CSMD1: variants seen among roughly 807,000 people sequenced by gnomAD.
CSMD1 encodes the protein CUB and sushi domain-containing protein 1.
CSMD1 carries 213 observed loss-of-function variants against 417.5 expected under a neutral mutation model. The ratio of observed to expected loss-of-function variants is 0.51; its 90% confidence interval spans 0.46 to 0.57. The LOEUF (loss-of-function observed/expected upper bound fraction) is 0.57, where lower values mean the gene tolerates loss of function less well. Ranked by LOEUF, CSMD1 falls within the 20% of genes least tolerant of loss-of-function variation. CSMD1 has a pLI of 0.00. For missense variants in CSMD1, 6,923 were observed against 4,529.7 expected, an observed-to-expected ratio of 1.53 and a Z score of -15.17; for synonymous variants, 2,862 against 1,736.8, an observed-to-expected ratio of 1.65 and a Z score of -16.11.
At chr8:2,958,833 T>C (rs545577884) in intron 62 of CSMD1, among the ~76,000 whole-genome samples, 9 of 152,366 alleles carry the variant, frequency 5.9e-5, no homozygotes, top group African/African-American at 1.7e-4. Context: ...ATTCCCTGTG[T>C]CTGCCTTCTC....
chr8:3,947,715 C>CT (rs1811329932), intron 5 of CSMD1, among the ~76,000 whole-genome samples: 2 of 152,134 alleles, frequency 1.3e-5, no homozygotes, highest in South Asian at 2.1e-4. Context: ...TTGACTAAGC[C>CT]TTTTTTTAAC....
chr8:4,280,550 A>G (rs1272721255), intron 3 of CSMD1, among the ~76,000 whole-genome samples: 1 of 152,220 alleles, frequency 6.6e-6, no homozygotes. Flanking sequence ...TTGCATATCA[A>G]CACTGTTAGA....
intron 2 of CSMD1, among the ~76,000 whole-genome samples, chr8:4,435,392 A>T (rs763647659): frequency 1.3e-5 from 2 of 152,168 alleles, no homozygotes; most frequent in South Asian, 4.1e-4. Context: ...CTGCAGTGTG[A>T]TATCACTCCA....
intron 5 of CSMD1, among the ~76,000 whole-genome samples, chr8:3,854,832 A>G (rs552913470): frequency 6.6e-6 from 1 of 152,198 alleles, no homozygotes; most frequent in Admixed American, 6.5e-5. Flanking sequence ...AACATAACAA[A>G]AACAGGGAAT....
chr8:4,091,989 T>C (rs188218967), intron 3 of CSMD1, among the ~76,000 whole-genome samples: 1 of 152,308 alleles, frequency 6.6e-6, no homozygotes, highest in Admixed American at 6.5e-5. Flanking sequence ...TTTATGCGCC[T>C]AAAAAGTGAA....
chr8:4,312,917 C>T (rs1798711819), intron 3 of CSMD1, among the ~76,000 whole-genome samples: 1 of 152,106 alleles, frequency 6.6e-6, no homozygotes, highest in Non-Finnish European at 1.5e-5. Flanking sequence ...AACAATAACA[C>T]TGATTGGCAT....
At chr8:4,830,161 C>A (rs1800068247) in intron 1 of CSMD1, among the ~76,000 whole-genome samples, 1 of 152,132 alleles carries the variant, frequency 6.6e-6, no homozygotes, top group Non-Finnish European at 1.5e-5. Context: ...TCTGACAGTA[C>A]AAGAAGAGTC....
intron 4 of CSMD1, among the ~76,000 whole-genome samples, chr8:4,003,484 G>C (rs1408133572): frequency 1.3e-5 from 2 of 152,098 alleles, no homozygotes; most frequent in African/African-American, 2.4e-5. Context: ...GGGAAAAAAA[G>C]ATTTTAAATG....
intron 3 of CSMD1, among the ~76,000 whole-genome samples, chr8:4,073,989 G>C (rs933721718): frequency 2.0e-5 from 3 of 151,890 alleles, no homozygotes; most frequent in African/African-American, 7.3e-5. Flanking sequence ...CATTGGCTTT[G>C]GGAAGCTTTA....
chr8:3,316,665 G>A (rs1805786753), intron 23 of CSMD1, among the ~76,000 whole-genome samples: 2 of 152,122 alleles, frequency 1.3e-5, no homozygotes, highest in African/African-American at 2.4e-5. Context: ...TGTATATGCT[G>A]ATGCTTCCTT....
intron 1 of CSMD1, among the ~76,000 whole-genome samples, chr8:4,713,013 C>T (rs950586201): frequency 5.3e-5 from 8 of 152,166 alleles, no homozygotes; most frequent in Admixed American, 5.2e-4. Context: ...TATTAGGCTG[C>T]CTGACTACAA....
chr8:3,785,688 G>C (rs558341286), intron 5 of CSMD1, among the ~76,000 whole-genome samples: 2 of 152,296 alleles, frequency 1.3e-5, no homozygotes, highest in East Asian at 1.9e-4. Flanking sequence ...TGGGCTGTGT[G>C]CATGGAGGAG....
chr8:4,747,185 G>C (rs1190213161), intron 1 of CSMD1, among the ~76,000 whole-genome samples: 1 of 152,126 alleles, frequency 6.6e-6, no homozygotes, highest in East Asian at 1.9e-4. Flanking sequence ...AGGAGTCCTT[G>C]TTTTCTTGTC....
At chr8:3,381,415 G>C (rs530871764) in intron 18 of CSMD1, among the ~76,000 whole-genome samples, 5 of 152,238 alleles carry the variant, frequency 3.3e-5, no homozygotes, top group South Asian at 2.1e-4. Flanking sequence ...AAACATTCAA[G>C]TAAAATTATT....
intron 1 of CSMD1, among the ~76,000 whole-genome samples, chr8:4,960,207 T>A (rs191099343): frequency 6.6e-6 from 1 of 152,172 alleles, no homozygotes; most frequent in Non-Finnish European, 1.5e-5. Flanking sequence ...GAAATCTTGA[T>A]CTAGGACACT....
intron 5 of CSMD1, among the ~76,000 whole-genome samples, chr8:3,972,180 C>G (rs1411119574): frequency 2.0e-5 from 3 of 151,704 alleles, no homozygotes; most frequent in Non-Finnish European, 4.4e-5. Flanking sequence ...CTTCTAAGAC[C>G]ATAGATGTGA....
At chr8:3,597,937 T>G (rs755412867) in intron 8 of CSMD1, among the ~76,000 whole-genome samples, 37 of 152,224 alleles carry the variant, frequency 2.4e-4, no homozygotes, top group Admixed American at 6.5e-4. Context: ...TATACATATG[T>G]AACAAACCTG....
At chr8:2,944,619 G>C (rs530144902) in intron 68 of CSMD1, among the ~76,000 whole-genome samples, 3 of 152,212 alleles carry the variant, frequency 2.0e-5, no homozygotes, top group South Asian at 4.1e-4. Context: ...GGTTTGGGTA[G>C]CTTTCCTCTT....
chr8:3,587,352 G>T (rs900945699), intron 8 of CSMD1, among the ~76,000 whole-genome samples: 4 of 152,164 alleles, frequency 2.6e-5, no homozygotes, highest in African/African-American at 9.7e-5. Flanking sequence ...TCTGACAAGC[G>T]CATTGTTACA....
Sources: allele counts gnomAD v4.1 joint callset (sites outside exome capture counted in the v4.1 genomes callset), GRCh38; gene constraint gnomAD v4.1.1; transcripts MANE v1.5; gene names NCBI Gene and HGNC (gene_info 2026-07-23, HGNC 2026-07-21).